HIVEP2: variants seen among roughly 807,000 people sequenced by gnomAD.
The protein encoded by HIVEP2 is transcription factor HIVEP2.
HIVEP2 carries 14 observed loss-of-function variants against 180.7 expected under a neutral mutation model. The observed-to-expected ratio is 0.08, with a 90% CI of 0.05 to 0.12. The LOEUF is 0.12. Ranked by LOEUF, HIVEP2 falls within the 10% of genes least tolerant of loss-of-function variation. The pLI, the probability that HIVEP2 is intolerant of heterozygous loss-of-function variation, is 1.00. For missense variants in HIVEP2, 2,579 were observed against 3,008.5 expected, an observed-to-expected ratio of 0.86 and a Z score of 3.34; for synonymous variants, 1,184 against 1,136.4, an observed-to-expected ratio of 1.04 and a Z score of -0.84.
intron 2 of HIVEP2, among the ~76,000 whole-genome samples, chr6:142,803,122 G>A (rs1776453834): frequency 6.6e-6 from 1 of 152,136 alleles, no homozygotes; most frequent in East Asian, 1.9e-4. Context: ...AAGATTGCTA[G>A]TGTATTTAAT....
At chr6:142,788,317 T>TC (rs35218363) in intron 2 of HIVEP2, 130,943 of 151,408 alleles carry the variant, frequency 0.86, 57,206 homozygotes, top group African/African-American at 0.96. Flanking sequence ...TAAAAAAAAA[T>TC]CCCCCCCTCA....
At chr6:142,934,385 AG>A (rs1778005554) in intron 1 of HIVEP2, among the ~76,000 whole-genome samples, 2 of 152,316 alleles carry the variant, frequency 1.3e-5, no homozygotes, top group South Asian at 4.1e-4. Context: ...GCAATCAACT[AG>A]TGGGGTCAGA....
chr6:142,817,117 A>G (rs1182881789), intron 2 of HIVEP2, among the ~76,000 whole-genome samples: 1 of 152,232 alleles, frequency 6.6e-6, no homozygotes, highest in East Asian at 1.9e-4. Flanking sequence ...TAAAGACTAA[A>G]ATACAAACTA....
rs955363161 is a variant in HIVEP2 at position 142,774,927 on chromosome 6, T to C, written c.-189A>G. ...AGTCGATGGGCATTAGCTAGTAATG[T>C]CCTTGGACCAGGGCTATAACACAGT... On this transcript the variant is annotated 5_prime_UTR_variant, in exon 5 of 10. Coordinates refer to ENST00000367603, the MANE Select transcript of HIVEP2 (RefSeq NM_006734.4). The surrounding 1 kb of genome is among the most constrained non-coding windows in gnomAD (Gnocchi z 5.1). 2 of 1,445,744 alleles carry C rather than the reference T, an allele frequency of 1.4e-6. No homozygotes were observed. Among genetic ancestry groups the C allele is most frequent in the South Asian group, 1.5e-5 (1 of 67,394 alleles). The allele number at this position is 1,445,744 out of a possible 1,614,324, so 89.6% of individuals were successfully genotyped here.
chr6:142,904,884 T>C (rs1777224177), intron 1 of HIVEP2, among the ~76,000 whole-genome samples: 2 of 152,286 alleles, frequency 1.3e-5, no homozygotes, highest in South Asian at 4.1e-4. Flanking sequence ...TAAGTAACCC[T>C]GGGTAAACTG....
chr6:142,856,614 A>C (rs951045610), intron 1 of HIVEP2, among the ~76,000 whole-genome samples: 22 of 152,378 alleles, frequency 1.4e-4, no homozygotes, highest in Admixed American at 1.1e-3. Context: ...TAATTTACTT[A>C]TTAAAGAGAT....
chr6:142,917,614 G>A (rs1777588592), intron 1 of HIVEP2, among the ~76,000 whole-genome samples: 1 of 152,102 alleles, frequency 6.6e-6, no homozygotes, highest in South Asian at 2.1e-4. Context: ...AATCACACAT[G>A]TACTCAACTA....
At chr6:142,835,356 C>T (rs1170734026) in intron 2 of HIVEP2, among the ~76,000 whole-genome samples, 1 of 152,124 alleles carries the variant, frequency 6.6e-6, no homozygotes, top group African/African-American at 2.4e-5. Flanking sequence ...ATAAAACAGT[C>T]GCTTGAACAT....
chr6:142,798,879 A>G (rs1776341691), intron 2 of HIVEP2, among the ~76,000 whole-genome samples: 1 of 152,196 alleles, frequency 6.6e-6, no homozygotes, highest in African/African-American at 2.4e-5. Flanking sequence ...CAAATCATTC[A>G]GGACAATACC....
In HIVEP2 at chr6:142,774,700, G is replaced by C; in HGVS notation, c.39C>G (p.Thr13=). ...TGDTALGQKA[T]SRSGETDKAS... is the part of the protein sequence containing the mutation. The stretch of plus-strand genomic sequence containing the variant: ...CTTTATCAGTTTCTCCAGACCTTGA[G>C]GTAGCTTTTTGTCCTAGAGCTGTGT... Residue 13 remains threonine, a synonymous_variant, in exon 5 of 10, where the codon ACC becomes ACG. Coordinates refer to ENST00000367603, the MANE Select transcript of HIVEP2 (RefSeq NM_006734.4). The surrounding 1 kb of genome is among the most constrained non-coding windows in gnomAD (Gnocchi z 5.1). 6.2e-7 allele frequency: 1 copy of C among 1,614,174 alleles called. No homozygotes were observed. Among genetic ancestry groups the C allele is most frequent in the South Asian group, 1.1e-5 (1 of 91,082 alleles).
chr6:142,802,212 C>A (rs533507780), intron 2 of HIVEP2, among the ~76,000 whole-genome samples: 1 of 152,198 alleles, frequency 6.6e-6, no homozygotes, highest in Admixed American at 6.5e-5. Flanking sequence ...AGGATTCAAT[C>A]TTCTGCCATG....
chr6:142,863,215 G>A (rs1463840560), intron 1 of HIVEP2, among the ~76,000 whole-genome samples: 1 of 150,234 alleles, frequency 6.7e-6, no homozygotes, highest in Non-Finnish European at 1.5e-5. Context: ...CACAGCTCCA[G>A]AGTACACCAC....
chr6:142,776,350 C>G (rs1466493929), intron 3 of HIVEP2, among the ~76,000 whole-genome samples, 159 bp from the exon 4 acceptor site: 1 of 152,028 alleles, frequency 6.6e-6, no homozygotes, highest in Non-Finnish European at 1.5e-5. Flanking sequence ...AAGCATTACA[C>G]CAGAAGAGTA....
intron 1 of HIVEP2, among the ~76,000 whole-genome samples, chr6:142,853,886 C>T (rs1228967371): frequency 6.6e-6 from 1 of 152,096 alleles, no homozygotes; most frequent in African/African-American, 2.4e-5. Context: ...GAAGCTAGAG[C>T]AGCCTTTGAA....
At chr6:142,784,370 AT>A (rs1406381117) in intron 2 of HIVEP2, among the ~76,000 whole-genome samples, 1 of 152,226 alleles carries the variant, frequency 6.6e-6, no homozygotes, top group African/African-American at 2.4e-5. Flanking sequence ...TAACTAAAGC[AT>A]TAAAACATAA....
chr6:142,773,518 A>T lies in HIVEP2; in HGVS notation c.1221T>A (p.Ala407=). Reference sequence around the variant, plus strand: ...TGTTGGGAGGGCTTATTTGCTGCTCAGCACTTTCTGAGCGAGAAAAGTAAC... The same window carrying T: ...TGTTGGGAGGGCTTATTTGCTGCTCTGCACTTTCTGAGCGAGAAAAGTAAC... ...DSGYFSRSES[A]EQQISPPNTN... is the part of the protein sequence containing the mutation. The change falls in exon 5 of 10, where the codon GCT becomes GCA. Residue 407 remains alanine (A), a synonymous_variant. Coordinates refer to ENST00000367603, the MANE Select transcript of HIVEP2 (RefSeq NM_006734.4). The T allele has an allele frequency of 6.2e-7, 1 of 1,614,266 alleles. No individual in the cohort carries two copies. Among genetic ancestry groups the T allele is most frequent in the Non-Finnish European group, 8.5e-7 (1 of 1,180,044 alleles).
chr6:142,863,351 A>G (rs997916231), intron 1 of HIVEP2, among the ~76,000 whole-genome samples: 1 of 151,878 alleles, frequency 6.6e-6, no homozygotes, highest in Non-Finnish European at 1.5e-5. Flanking sequence ...GCCTTGTCCA[A>G]TGTTCTTGAC....
intron 1 of HIVEP2, among the ~76,000 whole-genome samples, chr6:142,859,829 C>T (rs1199124594): frequency 2.3e-5 from 2 of 87,122 alleles, no homozygotes; most frequent in East Asian, 3.3e-4. Context: ...AGTGAAACTC[C>T]GTCTCAAAAA....
intron 2 of HIVEP2, among the ~76,000 whole-genome samples, chr6:142,831,493 A>G (rs1473373816): frequency 1.3e-5 from 2 of 152,142 alleles, no homozygotes; most frequent in Admixed American, 6.5e-5. Flanking sequence ...TCTCCTGCTC[A>G]AAGGTTTTCA....
Sources: allele counts gnomAD v4.1 joint callset (sites outside exome capture counted in the v4.1 genomes callset), GRCh38; gene constraint gnomAD v4.1.1; non-coding constraint Gnocchi (gnomAD v3.1); transcripts MANE v1.5; gene names NCBI Gene and HGNC (gene_info 2026-07-23, HGNC 2026-07-21).